The following PTPN13 variants were observed in gnomAD, a reference collection of about 807,000 sequenced individuals.
PTPN13 encodes the protein protein tyrosine phosphatase non-receptor type 13.
PTPN13 carries 191 observed loss-of-function variants against 284.0 expected under a neutral mutation model. The observed-to-expected ratio is 0.67, with a 90% CI of 0.60 to 0.76. PTPN13 has a LOEUF of 0.76. Among genes scored for constraint, PTPN13 ranks in the 30% least tolerant of loss-of-function variants. The pLI is 0.00. For synonymous variants in PTPN13, 986 were observed against 1,022.3 expected, an observed-to-expected ratio of 0.96 and a Z score of 0.68; for missense variants, 2,797 against 2,939.9, an observed-to-expected ratio of 0.95 and a Z score of 1.12.
intron 40 of PTPN13, among the ~76,000 whole-genome samples, chr4:86,787,906 C>T (rs1482925241): frequency 1.3e-5 from 2 of 152,052 alleles, no homozygotes; most frequent in Admixed American, 6.6e-5. Context: ...GATTTCTTAT[C>T]AATAAGAGGA....
At chr4:86,737,132 T>C (rs1005242756) in intron 15 of PTPN13, among the ~76,000 whole-genome samples, 4 of 151,972 alleles carry the variant, frequency 2.6e-5, no homozygotes, top group African/African-American at 7.2e-5. Flanking sequence ...TCCCAGCTGG[T>C]TGGGAGGCTG....
At chr4:86,632,339 A>G (rs1722559209) in intron 1 of PTPN13, among the ~76,000 whole-genome samples, 1 of 152,190 alleles carries the variant, frequency 6.6e-6, no homozygotes, top group African/African-American at 2.4e-5. Flanking sequence ...ATCAGGATCT[A>G]AACCAGGGGA....
intron 40 of PTPN13, among the ~76,000 whole-genome samples, chr4:86,790,325 A>C (rs1489981891): frequency 6.6e-6 from 1 of 152,200 alleles, no homozygotes; most frequent in African/African-American, 2.4e-5. Flanking sequence ...CTGAAAGGTC[A>C]TATTACAGGT....
chr4:86,698,425 G>A (rs1271861945), intron 6 of PTPN13, among the ~76,000 whole-genome samples: 1 of 152,138 alleles, frequency 6.6e-6, no homozygotes, highest in African/African-American at 2.4e-5. Flanking sequence ...TCCCAGAAGA[G>A]GTCGGTGCTA....
intron 3 of PTPN13, among the ~76,000 whole-genome samples, chr4:86,680,362 T>C (rs1431298473): frequency 6.6e-6 from 1 of 150,688 alleles, no homozygotes; most frequent in African/African-American, 2.4e-5. Flanking sequence ...TCTATCTATC[T>C]ATCTATCTAT....
intron 2 of PTPN13, among the ~76,000 whole-genome samples, chr4:86,649,108 A>G (rs548412429): frequency 6.6e-6 from 1 of 151,904 alleles, no homozygotes; most frequent in Admixed American, 6.6e-5. Flanking sequence ...TGTGTTCCTT[A>G]TATATTCTGG....
At position 86,732,719 on chromosome 4, in the gene PTPN13, A is replaced by G; in HGVS notation, c.1811A>G (p.His604Arg). 6.2e-7 allele frequency: 1 copy of G among 1,613,524 alleles called. No individual in the cohort carries two copies. Among genetic ancestry groups the G allele is most frequent in the Non-Finnish European group, 8.5e-7 (1 of 1,179,648 alleles). ...CKDVFDMVVA[H>R]IGLVEHHLFA... ...GATGTGTTTGATATGGTTGTGGCACATATTGGCTTAGTAGAGCATCATTTG... is the reference window on the plus strand; with the variant it reads ...GATGTGTTTGATATGGTTGTGGCACGTATTGGCTTAGTAGAGCATCATTTG... Residue 604 changes from histidine to arginine, a missense_variant, in exon 12 of 48, where the codon CAT (histidine) becomes CGT (arginine). By Grantham distance (29) the His-to-Arg change is conservative. Coordinates refer to ENST00000411767, the MANE Select transcript of PTPN13 (RefSeq NM_080683.3).
rs187335131 is a variant in PTPN13, at chr4:86,813,487, C to A, written c.7363-969C>A. On this transcript the variant is annotated intron_variant, in intron 47 of 47. Transcript: ENST00000411767. ...TTGAGATGGAGTCTCACTCTGTCAC[C>A]CAGGCTGGAGCACAGTCCGTGATCT... Among the ~76,000 whole-genome samples, 167 of 152,082 alleles carry A rather than the reference C, an allele frequency of 1.1e-3. 4 individuals carry two copies. The East Asian group carries it at 0.013, about 12-fold the overall frequency.
At chr4:86,680,473 A>C (rs1295138500) in intron 3 of PTPN13, among the ~76,000 whole-genome samples, 1 of 151,332 alleles carries the variant, frequency 6.6e-6, no homozygotes, top group African/African-American at 2.4e-5. Context: ...TGAATTTCTC[A>C]AGTCTGCTAA....
At chr4:86,655,474 A>C (rs1725672872) in intron 2 of PTPN13, among the ~76,000 whole-genome samples, 2 of 152,184 alleles carry the variant, frequency 1.3e-5, no homozygotes, top group Middle Eastern at 3.4e-3. Flanking sequence ...TTGTCTGTAA[A>C]GGATTTTATT....
rs1578665512 is a variant in PTPN13 at position 86,785,255 on chromosome 4, T to C, written c.6143T>C (p.Ile2048Thr). Residue 2048 changes from isoleucine to threonine, a missense_variant, in exon 39 of 48, where the codon ATT becomes ACT. Coordinates refer to ENST00000411767, the MANE Select transcript of PTPN13 (RefSeq NM_080683.3). Reference sequence around the variant, plus strand: ...GAATCTTATATACAAGAAGATGACATTTATGATGATTCCCAAGAAGCTGAA... The same window carrying C: ...GAATCTTATATACAAGAAGATGACACTTATGATGATTCCCAAGAAGCTGAA... Reference protein sequence around the residue: ...PKESYIQEDDIYDDSQEAEVI... With the variant: ...PKESYIQEDDTYDDSQEAEVI... 1 of 1,572,738 alleles carries C rather than the reference T, an allele frequency of 6.4e-7. No homozygotes were observed. Among genetic ancestry groups the C allele is most frequent in the Non-Finnish European group, 8.7e-7 (1 of 1,147,146 alleles).
intron 3 of PTPN13, among the ~76,000 whole-genome samples, chr4:86,674,246 C>T (rs1342049637): frequency 6.6e-6 from 1 of 152,134 alleles, no homozygotes; most frequent in African/African-American, 2.4e-5. Flanking sequence ...TAATTTAGCA[C>T]TGTGGGGTAC....
intron 10 of PTPN13, among the ~76,000 whole-genome samples, chr4:86,723,174 G>A (rs186313502): frequency 6.6e-6 from 1 of 152,186 alleles, no homozygotes; most frequent in Admixed American, 6.5e-5. Flanking sequence ...ACTGTGTACT[G>A]TAATTTCTTT....
rs578006082 is a variant in PTPN13, at chr4:86,600,430, C to T, written c.-6+5641C>T. ...ATGGTATTTTTTTTTTTTACATAAC[C>T]ACTTTTTTTTTTTTTTTTTTTTTTT... On this transcript the variant is annotated intron_variant, in intron 1 of 47. Transcript: ENST00000411767. Among the ~76,000 whole-genome samples, 32 of 100,134 alleles carry T rather than the reference C, an allele frequency of 3.2e-4. 1 individual carries two copies. In the South Asian group the frequency reaches 8.2e-3, roughly 26 times the overall value. 65.7% of individuals were successfully genotyped at this position (100,134 alleles called of 152,430 possible). A position where few individuals can be genotyped will look rare whatever the true frequency, so the allele number is the denominator to read the frequency against.
Position 86,805,341 on chromosome 4 carries a change from G to A in PTPN13, c.6717G>A (p.Arg2239=). Residue 2239 remains arginine, a synonymous_variant, in exon 44 of 48, where the codon AGG becomes AGA. Coordinates refer to ENST00000411767, the MANE Select transcript of PTPN13 (RefSeq NM_080683.3). ...TTGGGCAAACTAAGGAAAACAGAAGGAAGAACAGATATAAAAATATACTTC... is the reference window on the plus strand; with the variant it reads ...TTGGGCAAACTAAGGAAAACAGAAGAAAGAACAGATATAAAAATATACTTC... The part of the protein sequence containing the change: ...CLIGQTKENR[R]KNRYKNILPY... The A allele has an allele frequency of 6.3e-7, 1 of 1,597,624 alleles. No individual in the cohort carries two copies. Among genetic ancestry groups the A allele is most frequent in the Non-Finnish European group, 8.6e-7 (1 of 1,167,198 alleles).
At chr4:86,640,747 G>A (rs759061861) in intron 2 of PTPN13, among the ~76,000 whole-genome samples, 10 of 152,136 alleles carry the variant, frequency 6.6e-5, no homozygotes, top group Non-Finnish European at 1.0e-4. Context: ...TGTTAATAGA[G>A]ATCAAATGAA....
chr4:86,781,518 T>G (rs926482987), intron 36 of PTPN13, among the ~76,000 whole-genome samples: 3 of 152,220 alleles, frequency 2.0e-5, no homozygotes, highest in Admixed American at 6.5e-5. Context: ...TGATAGTCTT[T>G]TTGAAATCAG....
chr4:86,658,825 T>C (rs1726145597), intron 2 of PTPN13, among the ~76,000 whole-genome samples: 1 of 152,136 alleles, frequency 6.6e-6, no homozygotes, highest in South Asian at 2.1e-4. Flanking sequence ...AAAAAAATTC[T>C]ACACGTAGAT....
intron 17 of PTPN13, among the ~76,000 whole-genome samples, chr4:86,745,608 C>G (rs1481188670): frequency 1.3e-5 from 2 of 152,052 alleles, no homozygotes; most frequent in Non-Finnish European, 2.9e-5. Flanking sequence ...AACCCTGTCT[C>G]TACTAAAAAT....
Sources: gnomAD v4.1 joint callset for allele counts (sites outside exome capture counted in the v4.1 genomes callset) on GRCh38, gnomAD v4.1.1 for gene constraint, MANE v1.5 for transcripts, NCBI Gene and HGNC (gene_info 2026-07-23, HGNC 2026-07-21) for gene names.